The following NPAS3 variants were observed in gnomAD, a reference collection of about 807,000 sequenced individuals.
NPAS3 encodes neuronal PAS domain-containing protein 3.
Under a neutral mutation model 73.1 loss-of-function variants are expected in NPAS3, and 14 were observed. The ratio of observed to expected loss-of-function variants is 0.19; its 90% CI spans 0.13 to 0.30. The LOEUF (loss-of-function observed/expected upper bound fraction) is 0.30. NPAS3 is among the 10% of genes least tolerant of loss of function. The pLI, the probability that NPAS3 is intolerant of heterozygous loss-of-function variation, is 1.00. For missense variants in NPAS3, 1,096 were observed against 1,250.0 expected (o/e 0.88, Z 1.86); for synonymous variants, 620 against 541.5 (o/e 1.14, Z -2.01).
chr14:33,776,769 A>T (rs544972985), intron 8 of NPAS3, among the ~76,000 whole-genome samples: 124 of 152,224 alleles, frequency 8.1e-4, no homozygotes, highest in Non-Finnish European at 1.7e-3. Flanking sequence ...ACAGAAGAAG[A>T]AACTGAGTCT....
upstream of NPAS3, among the ~76,000 whole-genome samples, chr14:32,936,890 A>T (rs2035711476): frequency 6.7e-6 from 1 of 149,592 alleles, no homozygotes. Context: ...TGGGCACCTT[A>T]TGAAGTCTCT....
chr14:33,073,551 G>A (rs1249595164), intron 2 of NPAS3, among the ~76,000 whole-genome samples: 6 of 152,172 alleles, frequency 3.9e-5, no homozygotes, highest in African/African-American at 1.4e-4. Context: ...ATTTGTGGCT[G>A]TCGAGAATTG....
chr14:33,291,886 C>A (rs1452726886), intron 3 of NPAS3, among the ~76,000 whole-genome samples: 2 of 152,222 alleles, frequency 1.3e-5, no homozygotes, highest in Non-Finnish European at 2.9e-5. Context: ...GCAGCCCTTG[C>A]TGCCGACAAA....
chr14:33,742,728 T>C (rs2061686640), intron 7 of NPAS3, among the ~76,000 whole-genome samples: 1 of 152,252 alleles, frequency 6.6e-6, no homozygotes, highest in South Asian at 2.1e-4. Context: ...CATGCAATGA[T>C]GTTTGATAAT....
intron 5 of NPAS3, among the ~76,000 whole-genome samples, chr14:33,642,516 A>G (rs1487659213): frequency 6.6e-6 from 1 of 152,018 alleles, no homozygotes; most frequent in Non-Finnish European, 1.5e-5. Context: ...GTGATTGTTT[A>G]TAGATCATTT....
intron 6 of NPAS3, among the ~76,000 whole-genome samples, chr14:33,705,633 T>A (rs1240055177): frequency 6.6e-6 from 1 of 152,248 alleles, no homozygotes; most frequent in Non-Finnish European, 1.5e-5. Context: ...TGGAAGTTCG[T>A]GTGGAATGTT....
intron 4 of NPAS3, among the ~76,000 whole-genome samples, chr14:33,416,655 T>C (rs2048160185): frequency 6.6e-6 from 1 of 152,054 alleles, no homozygotes; most frequent in Admixed American, 6.6e-5. Context: ...ATTTTAAAAC[T>C]TTTATTTCTT....
chr14:33,678,557 A>C (rs2059836238), intron 6 of NPAS3, among the ~76,000 whole-genome samples: 1 of 152,178 alleles, frequency 6.6e-6, no homozygotes, highest in African/African-American at 2.4e-5. Flanking sequence ...AATACAGTGA[A>C]GAGAATAGCA....
In NPAS3 at chr14:33,079,404, C is replaced by T. The variant is rs567229057; in HGVS notation, c.140+23410C>T. ...CATGATCTCGGCTCACTGCAACCTC[C>T]GCCTCCCGAGTTCAAGCGATTCTCC... On this transcript the variant is annotated intron_variant, in intron 2 of 11. Transcript: ENST00000356141. Among the ~76,000 whole-genome samples, 39 of 147,006 alleles carry T rather than the reference C, an allele frequency of 2.7e-4. No individual in the cohort carries two copies. In the East Asian group the frequency reaches 5.3e-3, roughly 20 times the overall value.
At chr14:33,740,597 G>A (rs747936972) in intron 7 of NPAS3, among the ~76,000 whole-genome samples, 5 of 152,220 alleles carry the variant, frequency 3.3e-5, no homozygotes, top group African/African-American at 9.6e-5. Context: ...GAACCCAAAC[G>A]ATTGTACCGT....
intron 5 of NPAS3, among the ~76,000 whole-genome samples, chr14:33,605,336 C>A (rs897008583): frequency 6.0e-5 from 9 of 149,952 alleles, no homozygotes; most frequent in African/African-American, 1.7e-4. Flanking sequence ...TGTGACATTG[C>A]CTAGAACTTC....
chr14:33,691,791 T>A (rs1472167906), intron 6 of NPAS3, among the ~76,000 whole-genome samples: 1 of 152,166 alleles, frequency 6.6e-6, no homozygotes, highest in Non-Finnish European at 1.5e-5. Context: ...CCCCTTGGGG[T>A]TGTTGAATGC....
chr14:33,386,259 A>G (rs1253819033), intron 4 of NPAS3, among the ~76,000 whole-genome samples: 2 of 152,190 alleles, frequency 1.3e-5, no homozygotes, highest in Non-Finnish European at 2.9e-5. Context: ...ACAGAGACAC[A>G]AGTCTATGAA....
At chr14:33,058,172 T>C (rs2040956979) in intron 2 of NPAS3, among the ~76,000 whole-genome samples, 1 of 152,134 alleles carries the variant, frequency 6.6e-6, no homozygotes, top group Non-Finnish European at 1.5e-5. Flanking sequence ...GGGTAGTTTT[T>C]CCACACTCTT....
intron 5 of NPAS3, among the ~76,000 whole-genome samples, chr14:33,629,244 A>AC: frequency 1.3e-5 from 2 of 151,880 alleles, no homozygotes; most frequent in Middle Eastern, 6.8e-3. Context: ...CAAAAAAAAA[A>AC]AAAAAAGAAA....
At chr14:33,763,075 G>T (rs990084300) in intron 7 of NPAS3, among the ~76,000 whole-genome samples, 1 of 152,078 alleles carries the variant, frequency 6.6e-6, no homozygotes, top group Non-Finnish European at 1.5e-5. Flanking sequence ...CTGCATCCTC[G>T]GGCAGGACAT....
chr14:33,303,433 T>TAA (rs34982766), intron 3 of NPAS3, among the ~76,000 whole-genome samples: 11 of 149,592 alleles, frequency 7.4e-5, no homozygotes, highest in African/African-American at 9.8e-5. Context: ...TTATTCACAC[T>TAA]AAAAAAAAAA....
At chr14:33,154,902 T>C (rs150033330) in intron 2 of NPAS3, among the ~76,000 whole-genome samples, 3 of 152,348 alleles carry the variant, frequency 2.0e-5, no homozygotes, top group Admixed American at 2.0e-4. Flanking sequence ...CCTAGAGTTT[T>C]ACTTTTCCAT....
intron 3 of NPAS3, among the ~76,000 whole-genome samples, chr14:33,276,428 T>C (rs2041337398): frequency 6.6e-6 from 1 of 152,158 alleles, no homozygotes; most frequent in African/African-American, 2.4e-5. Flanking sequence ...AACCATTTGT[T>C]CTAGTCCTCC....
Sources: gnomAD v4.1 joint callset for allele counts (sites outside exome capture counted in the v4.1 genomes callset) on GRCh38, gnomAD v4.1.1 for gene constraint, MANE v1.5 for transcripts, NCBI Gene and HGNC (gene_info 2026-07-23, HGNC 2026-07-21) for gene names.